SH2D1A: variants seen among roughly 807,000 people sequenced by gnomAD.
SH2D1A encodes the protein SH2 domain containing 1A, also known as SH2 domain-containing protein 1A.
Under a neutral mutation model 10.1 loss-of-function variants are expected in SH2D1A, and 6 were observed. That is an observed-to-expected ratio of 0.60 (90% CI 0.33 to 1.18). SH2D1A has a LOEUF of 1.18. Among genes scored for constraint, SH2D1A ranks in the 50% most tolerant of loss-of-function variants. SH2D1A has a pLI of 0.04. For synonymous variants in SH2D1A, 42 were observed against 36.9 expected (o/e 1.14, Z -0.51); for missense variants, 51 against 97.6 (o/e 0.52, Z 2.01).
At position 124,372,407 on chromosome X, in the gene SH2D1A, C is replaced by T. The variant is rs914123225; in HGVS notation, c.*1016C>T. ...CATTCACTCAACAAACATAATAGGGCGCTGAGGGCATAGAAGTAAAAACAC... is the reference window on the plus strand; with the variant it reads ...CATTCACTCAACAAACATAATAGGGTGCTGAGGGCATAGAAGTAAAAACAC... On this transcript the variant is annotated 3_prime_UTR_variant, in exon 4 of 4. Transcript: ENST00000371139. 1 of 171,623 alleles carries T rather than the reference C, an allele frequency of 5.8e-6. No individual in the cohort carries two copies. Among genetic ancestry groups the T allele is most frequent in the African/African-American group, 3.0e-5 (1 of 33,759 alleles). 14.1% of individuals were successfully genotyped at this position (171,623 alleles called of 1,213,427 possible). A position where few individuals can be genotyped will look rare whatever the true frequency, so the allele number is the denominator to read the frequency against.
chrX:124,358,510 G>A (rs2060031517), intron 1 of SH2D1A, among the ~76,000 whole-genome samples: 1 of 112,107 alleles, frequency 8.9e-6, no homozygotes, highest in Non-Finnish European at 1.9e-5. Context: ...TATAATAGAA[G>A]CTATAGAAAA....
At chrX:124,364,739 C>G (rs150401616) in intron 1 of SH2D1A, among the ~76,000 whole-genome samples, 2,519 of 110,767 alleles carry the variant, frequency 0.023, 67 homozygotes, top group African/African-American at 0.077. Context: ...GTCTCGATCT[C>G]CTGACCTCGT....
At chrX:124,364,706 G>C (rs2060049700) in intron 1 of SH2D1A, among the ~76,000 whole-genome samples, 1 of 110,978 alleles carries the variant, frequency 9.0e-6, no homozygotes, top group Admixed American at 9.6e-5. Flanking sequence ...TAGAGATGGG[G>C]TTTCGTTGTG....
Position 124,350,946 on chromosome X carries a change from GATATA to G in SH2D1A, c.137+4173_137+4177del, listed in dbSNP as rs1301110667. Among the ~76,000 whole-genome samples the G allele has an allele frequency of 6.4e-4, 43 of 66,942 alleles. 1 individual carries two copies. Among genetic ancestry groups the G allele is most frequent in the African/African-American group, 2.4e-3 (35 of 14,522 alleles). 58.1% of individuals were successfully genotyped at this position (66,942 alleles called of 115,157 possible). On this transcript the variant is annotated intron_variant, in intron 1 of 3. Coordinates refer to ENST00000371139, the MANE Select transcript of SH2D1A (RefSeq NM_002351.5). ...AAGATATATTATATATTGTATATAA[GATATA>G]ATATATTATATATTGTATATAAGAT...
intron 1 of SH2D1A, among the ~76,000 whole-genome samples, chrX:124,357,915 G>A (rs2060030184): frequency 9.1e-6 from 1 of 109,391 alleles, no homozygotes. Flanking sequence ...CACCTCCCAG[G>A]TTCATGCCAT....
chrX:124,368,284 G>A (rs186357476), intron 2 of SH2D1A, among the ~76,000 whole-genome samples: 153 of 110,628 alleles, frequency 1.4e-3, no homozygotes, highest in Middle Eastern at 4.6e-3. Flanking sequence ...CCAAGTAGCC[G>A]GGATTGCCAC....
At chrX:124,366,104 T>A (rs1036188079) in intron 2 of SH2D1A, among the ~76,000 whole-genome samples, 1 of 84,462 alleles carries the variant, frequency 1.2e-5, no homozygotes, top group Non-Finnish European at 2.4e-5. Context: ...AATCTTAGCA[T>A]ATCAAAAGTA....
intron 1 of SH2D1A, among the ~76,000 whole-genome samples, chrX:124,350,142 C>T (rs1303802829): frequency 1.4e-5 from 1 of 69,114 alleles, no homozygotes. Context: ...AGGGCAAACA[C>T]CAAATGTTAT....
At chrX:124,350,289 A>T (rs1175456862) in intron 1 of SH2D1A, among the ~76,000 whole-genome samples, 1 of 22,232 alleles carries the variant, frequency 4.5e-5, no homozygotes, top group Non-Finnish European at 6.1e-5. Flanking sequence ...ATATTATATA[A>T]TATATAATAT....
intron 1 of SH2D1A, among the ~76,000 whole-genome samples, chrX:124,357,817 T>A (rs1460482585): frequency 9.1e-6 from 1 of 110,325 alleles, no homozygotes; most frequent in Non-Finnish European, 1.9e-5. Context: ...TTGCCCATTT[T>A]TATTTTATTT....
chrX:124,367,161 G>A (rs977699627), intron 2 of SH2D1A, among the ~76,000 whole-genome samples: 2 of 112,050 alleles, frequency 1.8e-5, no homozygotes, highest in African/African-American at 3.2e-5. Context: ...CTGATCTGAC[G>A]TTGTTTATGT....
intron 1 of SH2D1A, 100 bp from the exon 2 acceptor site, chrX:124,365,661 T>C: frequency 1.7e-6 from 1 of 592,178 alleles, no homozygotes; most frequent in East Asian, 3.3e-5. Flanking sequence ...TATACGTGTG[T>C]CCTAGTATAT....
At chrX:124,366,174 G>C (rs1454329377) in intron 2 of SH2D1A, among the ~76,000 whole-genome samples, 1 of 111,029 alleles carries the variant, frequency 9.0e-6, no homozygotes, top group African/African-American at 3.3e-5. Context: ...TATTGGTATC[G>C]TGGGAGATTA....
chrX:124,348,671 T>C (rs753863562), intron 1 of SH2D1A, among the ~76,000 whole-genome samples: 1 of 111,865 alleles, frequency 8.9e-6, no homozygotes, highest in East Asian at 2.8e-4. Context: ...CTTTAAACTA[T>C]CTGATAATTT....
chrX:124,359,768 A>G (rs147202984), intron 1 of SH2D1A, among the ~76,000 whole-genome samples: 1,520 of 112,435 alleles, frequency 0.014, 30 homozygotes, highest in African/African-American at 0.046. Context: ...TTCGTAAAAA[A>G]TAAAACATCA....
rs1569527532 is a variant in SH2D1A, at chrX:124,363,916, A to AAAAG, written c.138-1845_138-1844insAAAG. Among the ~76,000 whole-genome samples, 10 of 85,080 alleles carry AAAAG rather than the reference A, an allele frequency of 1.2e-4. 1 individual carries two copies. Among genetic ancestry groups the AAAAG allele is most frequent in the African/African-American group, 4.2e-4 (9 of 21,411 alleles). The allele number at this position is 85,080 out of a possible 115,157, so 73.9% of individuals were successfully genotyped here. Reference sequence around the variant, plus strand: ...AAAAAAAAAAAAAAAAAAAAAAAAAAGAAAGAAAAAGAAAAAGAAAAAAAT... The same window carrying AAAAG: ...AAAAAAAAAAAAAAAAAAAAAAAAAAAAAGGAAAGAAAAAGAAAAAGAAAAAAAT... On this transcript the variant is annotated intron_variant, in intron 1 of 3. Coordinates refer to ENST00000371139, the MANE Select transcript of SH2D1A (RefSeq NM_002351.5).
intron 2 of SH2D1A, among the ~76,000 whole-genome samples, chrX:124,369,576 GA>G (rs1481741786): frequency 3.6e-5 from 4 of 112,158 alleles, no homozygotes; most frequent in South Asian, 7.4e-4. Context: ...TCCCAAGGAG[GA>G]AAAAATTTAA....
chrX:124,367,200 G>T (rs1293965335), intron 2 of SH2D1A, among the ~76,000 whole-genome samples: 4 of 112,056 alleles, frequency 3.6e-5, no homozygotes, highest in Non-Finnish European at 7.5e-5. Context: ...TGCACCAAGA[G>T]AGCAGAAGAT....
In SH2D1A at chrX:124,365,946, C is replaced by G. The variant is rs1018675053; in HGVS notation, c.201+122C>G. ...TCATAAGGTTTAAATCTCTAAAGCTCCAATCCAAAATTGTTCATGGATCAT... is the reference window on the plus strand; with the variant it reads ...TCATAAGGTTTAAATCTCTAAAGCTGCAATCCAAAATTGTTCATGGATCAT... On this transcript the variant is annotated intron_variant, in intron 2 of 3. Transcript: ENST00000371139. 1.8e-5 allele frequency: 9 copies of G among 504,160 alleles called. No homozygotes were observed. The East Asian group carries it at 2.6e-4, about 14-fold the overall frequency. 41.5% of individuals were successfully genotyped at this position (504,160 alleles called of 1,213,427 possible).
Sources: allele counts gnomAD v4.1 joint callset (sites outside exome capture counted in the v4.1 genomes callset), GRCh38; gene constraint gnomAD v4.1.1; transcripts MANE v1.5; gene names NCBI Gene and HGNC (gene_info 2026-07-23, HGNC 2026-07-21).